Variants in TRPM2 observed in about 807,000 individuals in gnomAD.
The protein encoded by TRPM2 is estrogen-responsive element-associated gene 1 protein.
Under a neutral mutation model 174.0 loss-of-function variants are expected in TRPM2, and 161 were observed. The observed-to-expected ratio is 0.93, with a 90% CI of 0.81 to 1.05. The LOEUF (loss-of-function observed/expected upper bound fraction) is 1.05. Among genes scored for constraint, TRPM2 ranks in the 50% least tolerant of loss-of-function variants. The pLI, the probability that TRPM2 is intolerant of heterozygous loss-of-function variation, is 0.00. For missense variants in TRPM2, 2,057 were observed against 2,038.0 expected, an observed-to-expected ratio of 1.01 and a Z score of -0.18; for synonymous variants, 954 against 861.3, an observed-to-expected ratio of 1.11 and a Z score of -1.88.
At chr21:44,358,159 G>A (rs141526356) in intron 2 of TRPM2, among the ~76,000 whole-genome samples, 56 of 152,304 alleles carry the variant, frequency 3.7e-4, no homozygotes, top group African/African-American at 1.3e-3. Context: ...CCCACGTCCT[G>A]GTAACCCTCC....
chr21:44,416,518 CG>C (rs1311161154), intron 20 of TRPM2: 1 of 160,482 alleles, frequency 6.2e-6, no homozygotes, highest in African/African-American at 2.4e-5. Context: ...CTCTTGTGCT[CG>C]TCAGAATCCA....
chr21:44,368,959 C>T (rs539921160), intron 4 of TRPM2, among the ~76,000 whole-genome samples: 7 of 152,126 alleles, frequency 4.6e-5, no homozygotes, highest in African/African-American at 1.4e-4. Context: ...CGGCAGGGAC[C>T]GGGAGAGGGG....
At chr21:44,398,298 T>G (rs1055007481) in intron 13 of TRPM2, among the ~76,000 whole-genome samples, 1 of 151,490 alleles carries the variant, frequency 6.6e-6, no homozygotes, top group Non-Finnish European at 1.5e-5. Flanking sequence ...CCCTCTGGAT[T>G]CAAGCGATTC....
intron 27 of TRPM2, among the ~76,000 whole-genome samples, chr21:44,427,965 C>T (rs1407962630): frequency 3.3e-5 from 5 of 152,044 alleles, no homozygotes; most frequent in African/African-American, 4.8e-5. Flanking sequence ...GGGAAGCTGA[C>T]GAGGAGAGCA....
At chr21:44,425,015 G>A in intron 24 of TRPM2, 76 bp downstream of exon 24, 1 of 1,312,700 alleles carries the variant, frequency 7.6e-7, no homozygotes, top group Non-Finnish European at 1.0e-6. Context: ...TGGGAGGAGA[G>A]GCAGCTGGGG....
Position 44,367,297 on chromosome 21 carries a change from C to A in TRPM2, c.604+363C>A, listed in dbSNP as rs955416448. Among the ~76,000 whole-genome samples, 2 of 152,104 alleles carry A rather than the reference C, an allele frequency of 1.3e-5. No individual in the cohort carries two copies. Among genetic ancestry groups the A allele is most frequent in the African/African-American group, 2.4e-5 (1 of 41,416 alleles). On this transcript the variant is annotated intron_variant, in intron 4 of 31. Transcript: ENST00000397928. This position sits in a 1 kb window ranked among gnomAD's most constrained non-coding sequence, Gnocchi z 4.6. ...CCTGGGAATCTTGGTGGCCTGAGAA[C>A]CTCGGTGGCCTGGGTGCACGGCTGG...
chr21:44,421,008 G>T (rs1476958614), intron 22 of TRPM2, among the ~76,000 whole-genome samples: 2 of 152,170 alleles, frequency 1.3e-5, no homozygotes, highest in African/African-American at 4.8e-5. Context: ...CCTTAAGGGA[G>T]TGGGCTGGAC....
At chr21:44,360,449 T>G (rs551746093) in intron 2 of TRPM2, among the ~76,000 whole-genome samples, 12 of 152,296 alleles carry the variant, frequency 7.9e-5, no homozygotes, top group African/African-American at 2.9e-4. Flanking sequence ...TGTACAGAAG[T>G]TCCAAAGATA....
Position 44,405,099 on chromosome 21 carries a change from A to T in TRPM2, c.2539-43A>T. The T allele has an allele frequency of 2.5e-6, 4 of 1,608,502 alleles. No individual in the cohort carries two copies. The South Asian group carries it at 4.4e-5, about 18-fold the overall frequency. ...TGACAGTGACAGTGAGGATAGTAAG[A>T]GTGACAACCTGTCTGCCTTCCTACC... On this transcript the variant is annotated intron_variant, in intron 16 of 31. Coordinates refer to ENST00000397928, the MANE Select transcript of TRPM2 (RefSeq NM_003307.4).
At position 44,425,006 on chromosome 21, in the gene TRPM2, G is replaced by A. The variant is rs1016947959; in HGVS notation, c.3637+67G>A. On this transcript the variant is annotated intron_variant, in intron 24 of 31. Transcript: ENST00000397928. Reference sequence around the variant, plus strand: ...GTTTCTTTTGGGTCTGGGGTCAGTTGGGAGGAGAGGCAGCTGGGGGTGGGG... The same window carrying A: ...GTTTCTTTTGGGTCTGGGGTCAGTTAGGAGGAGAGGCAGCTGGGGGTGGGG... The A allele has an allele frequency of 3.9e-5, 55 of 1,414,110 alleles. No homozygotes were observed. The East Asian group carries it at 1.3e-3, about 34-fold the overall frequency. 87.6% of individuals were successfully genotyped at this position (1,414,110 alleles called of 1,614,324 possible).
chr21:44,437,285 G>T, intron 29 of TRPM2, 118 bp downstream of exon 29: 1 of 972,094 alleles, frequency 1.0e-6, no homozygotes, highest in Non-Finnish European at 1.5e-6. Flanking sequence ...CAGCCCCTGG[G>T]CAGGGAGGGT....
intron 22 of TRPM2, among the ~76,000 whole-genome samples, chr21:44,421,188 T>G (rs1202543589): frequency 1.3e-5 from 2 of 151,994 alleles, no homozygotes; most frequent in African/African-American, 4.8e-5. Flanking sequence ...TGTGGTGGCG[T>G]GCGCTTGTAA....
intron 15 of TRPM2, among the ~76,000 whole-genome samples, chr21:44,401,147 T>C (rs962059801): frequency 6.6e-6 from 1 of 152,128 alleles, no homozygotes; most frequent in Non-Finnish European, 1.5e-5. Flanking sequence ...CTCCCGAGGA[T>C]GGCAGAGCCG....
At chr21:44,390,181 A>G (rs551898443) in intron 9 of TRPM2, among the ~76,000 whole-genome samples, 1 of 151,808 alleles carries the variant, frequency 6.6e-6, no homozygotes, top group African/African-American at 2.4e-5. Context: ...AATTTAATCA[A>G]TTTTTCTTTA....
In TRPM2 at chr21:44,417,936, C is replaced by T. The variant is rs1304558084; in HGVS notation, c.3156C>T (p.Phe1052=). 3 of 1,611,476 alleles carry T rather than the reference C, an allele frequency of 1.9e-6. No individual in the cohort carries two copies. The highest frequency in any genetic ancestry group is 2.5e-6 in the Non-Finnish European group (3 of 1,179,438). ...NLLIAMFNYT[F]QQVQEHTDQI... ...TTCTCCTCCCTGACAGCTACACCTT[C>T]CAGCAGGTGCAGGAGCACACGGACC... The change falls in exon 21 of 32, where the codon TTC becomes TTT. Residue 1052 remains phenylalanine (F), a synonymous_variant. Coordinates refer to ENST00000397928, the MANE Select transcript of TRPM2 (RefSeq NM_003307.4).
rs184112729 is a variant in TRPM2 at position 44,421,596 on chromosome 21, C to T, written c.3462-2049C>T. Among the ~76,000 whole-genome samples the T allele has an allele frequency of 7.9e-5, 12 of 151,744 alleles. No homozygotes were observed. In the East Asian group the frequency reaches 2.0e-3, roughly 25 times the overall value. ...GACCAACCTAGGCAACATAGTGAGA[C>T]CCCCATCTCTACAAAAAATAAAAAT... On this transcript the variant is annotated intron_variant, in intron 22 of 31. Transcript: ENST00000397928.
chr21:44,400,370 A>G lies in TRPM2; in HGVS notation c.2320A>G (p.Arg774Gly), dbSNP rs1201961613. Reference protein sequence around the residue: ...PLLLTGLISFREKRLQDVGTP... With the variant: ...PLLLTGLISFGEKRLQDVGTP... ...GCTCCTCACCGGCCTCATCTCCTTC[A>G]GGTGCTGCAGGGCTGCGGGGCTGCG... Residue 774 changes from arginine (R) to glycine (G), a missense_variant and splice_region_variant, in exon 15 of 32, where the codon AGG (arginine) becomes GGG (glycine). Coordinates refer to ENST00000397928, the MANE Select transcript of TRPM2 (RefSeq NM_003307.4). 1.2e-6 allele frequency: 2 copies of G among 1,610,064 alleles called. No individual in the cohort carries two copies. The highest frequency in any genetic ancestry group is 3.3e-4 in the Middle Eastern group (2 of 6,054).
chr21:44,385,303 C>A (rs752360291), intron 9 of TRPM2, among the ~76,000 whole-genome samples: 1 of 152,106 alleles, frequency 6.6e-6, no homozygotes, highest in South Asian at 2.1e-4. Context: ...AAACTCCCAG[C>A]GAATATCATG....
At position 44,374,136 on chromosome 21, in the gene TRPM2, G is replaced by C. The variant is rs182332587; in HGVS notation, c.772-1697G>C. On this transcript the variant is annotated intron_variant, in intron 5 of 31. Transcript: ENST00000397928. ...AGCAAATCTCCCACCTTAGCCTCCC[G>C]AGTAGCTGGGATTACAGGCATGTGC... Among the ~76,000 whole-genome samples the C allele has an allele frequency of 3.8e-4, 57 of 151,746 alleles. 2 individuals carry two copies. The East Asian group carries it at 8.0e-3, about 21-fold the overall frequency.
Sources: allele counts gnomAD v4.1 joint callset (sites outside exome capture counted in the v4.1 genomes callset), GRCh38; gene constraint gnomAD v4.1.1; non-coding constraint Gnocchi (gnomAD v3.1); transcripts MANE v1.5; gene names NCBI Gene and HGNC (gene_info 2026-07-23, HGNC 2026-07-21).